The following HSPA12A variants were observed in gnomAD, a reference collection of about 807,000 sequenced individuals.
The protein encoded by HSPA12A is heat shock protein family A (Hsp70) member 12A.
In HSPA12A, 28 loss-of-function variants were observed where a neutral mutation model predicts 69.2. That is an observed-to-expected ratio of 0.40 (90% CI 0.30 to 0.55). HSPA12A has a LOEUF of 0.55. Among genes scored for constraint, HSPA12A ranks in the 20% least tolerant of loss-of-function variants. The probability of loss-of-function intolerance (pLI) is 0.38; values close to 1 mark genes in which losing one functional copy is unlikely to be tolerated. For missense variants in HSPA12A, 686 were observed against 900.7 expected (o/e 0.76, Z 3.05); for synonymous variants, 345 against 370.5 (o/e 0.93, Z 0.79).
At chr10:116,808,255 G>C (rs1471563333) in intron 2 of HSPA12A, among the ~76,000 whole-genome samples, 1 of 133,442 alleles carries the variant, frequency 7.5e-6, no homozygotes, top group African/African-American at 2.7e-5. Context: ...GCTTGGCTAT[G>C]AGAACAGATG....
Position 116,683,977 on chromosome 10 carries a change from CAG to C in HSPA12A, c.664-17_664-16del. ...GCCAGGCCTGCCTGGAAGACAGAAA[CAG>C]AGGCTGGGACCCAGGGCCCCCTGGG... On this transcript the variant is annotated splice_polypyrimidine_tract_variant and intron_variant, in intron 6 of 11. Transcript: ENST00000369209. The C allele has an allele frequency of 6.4e-7, 1 of 1,550,604 alleles. No individual in the cohort carries two copies. The highest frequency in any genetic ancestry group is 8.8e-7 in the Non-Finnish European group (1 of 1,139,820).
At chr10:116,825,989 C>A (rs149802878) in intron 2 of HSPA12A, among the ~76,000 whole-genome samples, 2 of 152,124 alleles carry the variant, frequency 1.3e-5, no homozygotes, top group Non-Finnish European at 2.9e-5. Context: ...GAAAGGCTTC[C>A]GGGGAGAAGC....
At chr10:116,712,685 A>G (rs985303708) in intron 1 of HSPA12A, among the ~76,000 whole-genome samples, 5 of 152,106 alleles carry the variant, frequency 3.3e-5, no homozygotes, top group Admixed American at 1.3e-4. Flanking sequence ...CTCCTCTGCC[A>G]AAGTCATTAG....
chr10:116,698,761 A>C, intron 4 of HSPA12A, 22 bp from the exon 5 acceptor site: 1 of 1,573,640 alleles, frequency 6.4e-7, no homozygotes, highest in Non-Finnish European at 8.7e-7. Context: ...AAGAGGAACA[A>C]TAGTAAGAAG....
chr10:116,685,385 A>G (rs1311933831), intron 6 of HSPA12A, among the ~76,000 whole-genome samples: 3 of 152,010 alleles, frequency 2.0e-5, no homozygotes, highest in Non-Finnish European at 4.4e-5. Flanking sequence ...CTATAATCCC[A>G]GCACTTTGGG....
chr10:116,768,960 G>A (rs1319604366), intron 2 of HSPA12A, among the ~76,000 whole-genome samples: 3 of 152,146 alleles, frequency 2.0e-5, no homozygotes, highest in African/African-American at 7.2e-5. Flanking sequence ...TCTGCTTCCT[G>A]TGAGCACACT....
intron 6 of HSPA12A, among the ~76,000 whole-genome samples, chr10:116,691,649 C>T (rs1199464572): frequency 2.0e-5 from 3 of 152,222 alleles, no homozygotes; most frequent in Non-Finnish European, 2.9e-5. Flanking sequence ...ACCATAACAA[C>T]AGGTGAGCAT....
At chr10:116,689,208 T>C (rs552813649) in intron 6 of HSPA12A, among the ~76,000 whole-genome samples, 121 of 143,788 alleles carry the variant, frequency 8.4e-4, no homozygotes, top group African/African-American at 3.1e-3. Flanking sequence ...CTCCTCCACC[T>C]GGCAGGTGGG....
intron 1 of HSPA12A, among the ~76,000 whole-genome samples, chr10:116,842,470 C>T (rs1011365204): frequency 6.6e-6 from 1 of 152,090 alleles, no homozygotes. Flanking sequence ...AAAACCTGGC[C>T]TTTTAAAGGT....
At chr10:116,754,820 C>T (rs1843795144) in intron 2 of HSPA12A, among the ~76,000 whole-genome samples, 1 of 152,238 alleles carries the variant, frequency 6.6e-6, no homozygotes, top group South Asian at 2.1e-4. Flanking sequence ...TCTATACTTT[C>T]ATACATACAT....
exon 1 of HSPA12A, chr10:116,849,648 C>T (rs1564840810): frequency 1.3e-6 from 2 of 1,550,244 alleles, no homozygotes; most frequent in African/African-American, 1.4e-5. Flanking sequence ...GGAGTACTAC[C>T]GGGAGAACGA....
chr10:116,713,552 T>C (rs782383511), intron 1 of HSPA12A, among the ~76,000 whole-genome samples: 3 of 152,130 alleles, frequency 2.0e-5, no homozygotes, highest in East Asian at 3.9e-4. Flanking sequence ...CCTCCCTGAA[T>C]AGTCCAAGAG....
intron 1 of HSPA12A, among the ~76,000 whole-genome samples, chr10:116,724,300 A>T (rs568842149): frequency 2.0e-5 from 3 of 152,314 alleles, no homozygotes; most frequent in South Asian, 2.1e-4. Context: ...TTATAAAAAA[A>T]TTTTTAGTTT....
chr10:116,738,316 C>T (rs782270467), intron 1 of HSPA12A, among the ~76,000 whole-genome samples: 4 of 152,168 alleles, frequency 2.6e-5, no homozygotes, highest in Non-Finnish European at 5.9e-5. Context: ...TCCCTCATGT[C>T]TTGCTGACTG....
intron 10 of HSPA12A, among the ~76,000 whole-genome samples, 192 bp from the exon 11 acceptor site, chr10:116,676,694 C>A (rs1849248357): frequency 6.6e-6 from 1 of 152,184 alleles, no homozygotes; most frequent in Admixed American, 6.5e-5. Context: ...AAAGCTAAGA[C>A]ATAATCTCTT....
chr10:116,690,453 C>T (rs910305353), intron 6 of HSPA12A, among the ~76,000 whole-genome samples: 6 of 152,132 alleles, frequency 3.9e-5, no homozygotes, highest in African/African-American at 4.8e-5. Context: ...ATCCACTCAG[C>T]GGCTGTCAAT....
chr10:116,821,187 C>T (rs904265385), intron 2 of HSPA12A, among the ~76,000 whole-genome samples: 1 of 152,196 alleles, frequency 6.6e-6, no homozygotes, highest in Non-Finnish European at 1.5e-5. Flanking sequence ...AAGATCGTGT[C>T]ACTCTCCCTC....
chr10:116,836,674 C>A (rs181137056), intron 1 of HSPA12A, among the ~76,000 whole-genome samples: 16 of 152,156 alleles, frequency 1.1e-4, no homozygotes, highest in Non-Finnish European at 1.3e-4. Flanking sequence ...CCTGGAGTTA[C>A]AAATTTTTGG....
chr10:116,687,177 G>A (rs1849598714), intron 6 of HSPA12A, among the ~76,000 whole-genome samples: 1 of 152,174 alleles, frequency 6.6e-6, no homozygotes, highest in Non-Finnish European at 1.5e-5. Flanking sequence ...GCCACTCAGG[G>A]GAGACCTTTC....
Sources: gnomAD v4.1 joint callset for allele counts (sites outside exome capture counted in the v4.1 genomes callset) on GRCh38, gnomAD v4.1.1 for gene constraint, MANE v1.5 for transcripts, NCBI Gene and HGNC (gene_info 2026-07-23, HGNC 2026-07-21) for gene names.